Variants in PHACTR1 observed in about 807,000 individuals in gnomAD.
PHACTR1 encodes the protein phosphatase and actin regulator 1.
In PHACTR1, 16 loss-of-function variants were observed where a neutral mutation model predicts 69.2. The observed-to-expected ratio is 0.23, with a 90% CI of 0.16 to 0.35. The LOEUF is 0.35. Ranked by LOEUF, PHACTR1 falls within the 10% of genes least tolerant of loss-of-function variation. PHACTR1 has a pLI of 1.00. For missense variants in PHACTR1, 510 were observed against 734.7 expected (o/e 0.69, Z 3.54); for synonymous variants, 312 against 284.5 (o/e 1.10, Z -0.97).
chr6:12,957,264 A>G, intron 4 of PHACTR1: 1 of 761,444 alleles, frequency 1.3e-6, no homozygotes, highest in Non-Finnish European at 1.6e-6. Flanking sequence ...TCAAAAAAAA[A>G]AAAAAAAAAA....
intron 4 of PHACTR1, among the ~76,000 whole-genome samples, chr6:13,029,679 G>A (rs1802185967): frequency 6.6e-6 from 1 of 152,198 alleles, no homozygotes; most frequent in Non-Finnish European, 1.5e-5. Context: ...ACAGGTGTTG[G>A]CAAACTTTGT....
intron 5 of PHACTR1, among the ~76,000 whole-genome samples, chr6:13,079,412 G>A (rs999316186): frequency 6.6e-6 from 1 of 152,134 alleles, no homozygotes; most frequent in Non-Finnish European, 1.5e-5. Context: ...ATTTGTCAGA[G>A]CTTGAGGCTG....
intron 3 of PHACTR1, among the ~76,000 whole-genome samples, chr6:12,746,486 C>A (rs1182017340): frequency 6.6e-6 from 1 of 152,088 alleles, no homozygotes; most frequent in African/African-American, 2.4e-5. Flanking sequence ...TGCAGTGAGT[C>A]GAGACTGCAT....
At chr6:12,866,403 C>G (rs182487785) in intron 4 of PHACTR1, among the ~76,000 whole-genome samples, 1 of 152,256 alleles carries the variant, frequency 6.6e-6, no homozygotes, top group East Asian at 1.9e-4. Context: ...ACCCTTCCAC[C>G]CACATCCCTG....
chr6:12,762,935 T>C (rs921751594), intron 4 of PHACTR1, among the ~76,000 whole-genome samples: 2 of 152,174 alleles, frequency 1.3e-5, no homozygotes, highest in African/African-American at 4.8e-5. Flanking sequence ...GCAGTCAGGC[T>C]GGGTGCGATG....
intron 4 of PHACTR1, among the ~76,000 whole-genome samples, chr6:12,997,231 A>T (rs1283555409): frequency 6.7e-6 from 1 of 148,166 alleles, no homozygotes; most frequent in East Asian, 1.9e-4. Flanking sequence ...TTTATTACAT[A>T]ATAAATATAT....
chr6:12,864,026 A>G (rs1044334238), intron 4 of PHACTR1, among the ~76,000 whole-genome samples: 12 of 152,156 alleles, frequency 7.9e-5, no homozygotes, highest in Non-Finnish European at 1.5e-4. Context: ...TACCATGTGA[A>G]ATAGTTACCA....
chr6:12,852,504 C>T (rs973459954), intron 4 of PHACTR1, among the ~76,000 whole-genome samples: 6 of 152,178 alleles, frequency 3.9e-5, no homozygotes, highest in African/African-American at 1.2e-4. Flanking sequence ...AGACAGCTCA[C>T]TTTCCTGGGA....
chr6:12,769,055 C>A (rs974528583), intron 4 of PHACTR1, among the ~76,000 whole-genome samples: 4 of 152,102 alleles, frequency 2.6e-5, no homozygotes, highest in African/African-American at 9.7e-5. Context: ...TTACCAGAGG[C>A]TGAGGAGCAT....
chr6:12,718,503 T>A (rs1761677792), intron 2 of PHACTR1, 196 bp from the exon 3 acceptor site: 1 of 267,562 alleles, frequency 3.7e-6, no homozygotes, highest in Admixed American at 5.1e-5. Flanking sequence ...TTACTTTTAA[T>A]GAATGTTGGC....
intron 4 of PHACTR1, among the ~76,000 whole-genome samples, chr6:13,039,263 C>T (rs143999804): frequency 1.5e-4 from 23 of 152,274 alleles, no homozygotes; most frequent in Middle Eastern, 3.4e-3. Context: ...AATGATAGAA[C>T]ACTATTCAGA....
intron 4 of PHACTR1, among the ~76,000 whole-genome samples, chr6:12,943,820 G>A (rs1452127240): frequency 6.6e-6 from 1 of 152,136 alleles, no homozygotes; most frequent in Non-Finnish European, 1.5e-5. Flanking sequence ...AAATTCATAA[G>A]CTCTGAATGG....
In PHACTR1 at chr6:13,028,472, G is replaced by T. The variant is rs73723326; in HGVS notation, c.251-24893G>T. On this transcript the variant is annotated intron_variant, in intron 4 of 14. Coordinates refer to ENST00000332995, the MANE Select transcript of PHACTR1 (RefSeq NM_030948.6). ...TTGCTTCAATCAATCCAGGAATCAG[G>T]AGCTTCCTCTTTTCCATAGCAGGCA... Among the ~76,000 whole-genome samples the T allele has an allele frequency of 3.6e-3, 547 of 152,208 alleles. 2 individuals are homozygous for T. The highest frequency in any genetic ancestry group is 0.013 in the African/African-American group (522 of 41,532).
chr6:12,749,921 T>G, intron 4 of PHACTR1, 131 bp downstream of exon 4: 2 of 846,660 alleles, frequency 2.4e-6, no homozygotes, highest in Non-Finnish European at 1.7e-6. Context: ...TCGCGCTCTT[T>G]GTGTCTCCGG....
At chr6:13,226,068 G>A (rs1418903022) in intron 8 of PHACTR1, among the ~76,000 whole-genome samples, 1 of 152,156 alleles carries the variant, frequency 6.6e-6, no homozygotes, top group East Asian at 1.9e-4. Flanking sequence ...ATGGACCAAC[G>A]TAAACCACTA....
chr6:13,040,488 A>C (rs1232382350), intron 4 of PHACTR1, among the ~76,000 whole-genome samples: 1 of 152,240 alleles, frequency 6.6e-6, no homozygotes, highest in Non-Finnish European at 1.5e-5. Flanking sequence ...TATTTGACAG[A>C]TGATAAGCCC....
At chr6:13,155,174 G>A (rs1172790783) in intron 5 of PHACTR1, among the ~76,000 whole-genome samples, 1 of 152,122 alleles carries the variant, frequency 6.6e-6, no homozygotes, top group African/African-American at 2.4e-5. Flanking sequence ...TTTATCTACT[G>A]TTCTTTGTGC....
At chr6:13,171,230 C>T (rs1243591911) in intron 6 of PHACTR1, among the ~76,000 whole-genome samples, 1 of 151,070 alleles carries the variant, frequency 6.6e-6, no homozygotes, top group African/African-American at 2.4e-5. Context: ...CAGGACTCCT[C>T]CAAGGGCCAT....
chr6:12,937,871 C>A (rs1470955179), intron 4 of PHACTR1, among the ~76,000 whole-genome samples: 1 of 152,220 alleles, frequency 6.6e-6, no homozygotes, highest in Non-Finnish European at 1.5e-5. Flanking sequence ...GAGGCAGAGG[C>A]ATGCTGATCA....
Sources: gnomAD v4.1 joint callset for allele counts (sites outside exome capture counted in the v4.1 genomes callset) on GRCh38, gnomAD v4.1.1 for gene constraint, MANE v1.5 for transcripts, NCBI Gene and HGNC (gene_info 2026-07-23, HGNC 2026-07-21) for gene names.